The following SRP19 variants were observed in gnomAD, a reference collection of about 807,000 sequenced individuals.
SRP19 encodes signal recognition particle 19 kDa protein.
SRP19 carries 11 observed loss-of-function variants against 22.4 expected under a neutral mutation model. The observed-to-expected ratio is 0.49, with a 90% CI of 0.31 to 0.81. The LOEUF is 0.81. SRP19 is among the 40% of genes least tolerant of loss of function. The probability of loss-of-function intolerance (pLI) is 0.05; values close to 1 mark genes in which losing one functional copy is unlikely to be tolerated. For synonymous variants in SRP19, 61 were observed against 57.6 expected (o/e 1.06, Z -0.27); for missense variants, 168 against 175.9 (o/e 0.96, Z 0.25).
intron 4 of SRP19, chr5:112,882,140 C>G (rs1768097985): frequency 6.5e-6 from 1 of 153,386 alleles, no homozygotes; most frequent in Admixed American, 6.5e-5. Context: ...TTCTAATATC[C>G]TGACCTCTTA....
intron 4 of SRP19, among the ~76,000 whole-genome samples, chr5:112,888,434 T>C (rs754408816): frequency 1.3e-5 from 2 of 152,172 alleles, no homozygotes; most frequent in African/African-American, 4.8e-5. Context: ...TATCTCCAGA[T>C]TATTCTTTCT....
chr5:112,868,300 A>C lies in SRP19; in HGVS notation c.*763A>C. ...GCGGTTTCTGAAAGTAGTGATTTTG[A>C]GCTATCCCAATTCCTGTTCTTCCTG... On this transcript the variant is annotated 3_prime_UTR_variant, in exon 5 of 5. Coordinates refer to ENST00000505459, the MANE Select transcript of SRP19 (RefSeq NM_003135.3). The C allele has an allele frequency of 1.0e-6, 1 of 985,622 alleles. No individual in the cohort carries two copies. Among genetic ancestry groups the C allele is most frequent in the Non-Finnish European group, 1.2e-6 (1 of 830,072 alleles). The allele number at this position is 985,622 out of a possible 1,614,324, so 61.1% of individuals were successfully genotyped here.
In SRP19 at chr5:112,861,404, G is replaced by C. The variant is rs768531224; in HGVS notation, c.28G>C (p.Ala10Pro). Residue 10 changes from alanine to proline, a missense_variant, in exon 1 of 5, where the codon GCC (alanine) becomes CCC (proline). Physicochemically the swap from Ala to Pro is conservative, Grantham distance 27. Coordinates refer to ENST00000505459, the MANE Select transcript of SRP19 (RefSeq NM_003135.3). MACAAARSP[A>P]DQDRFICIYP... Reference sequence around the variant, plus strand: ...GGCTTGCGCTGCCGCGCGGTCCCCGGCCGACCAGGACAGGTGGGTTCTGAG... The same window carrying C: ...GGCTTGCGCTGCCGCGCGGTCCCCGCCCGACCAGGACAGGTGGGTTCTGAG... 1.9e-6 allele frequency: 3 copies of C among 1,614,126 alleles called. No homozygotes were observed. The highest frequency in any genetic ancestry group is 8.5e-7 in the Non-Finnish European group (1 of 1,180,044).
At chr5:112,867,141 C>T (rs1767631783) in intron 4 of SRP19, among the ~76,000 whole-genome samples, 1 of 152,122 alleles carries the variant, frequency 6.6e-6, no homozygotes, top group Admixed American at 6.5e-5. Flanking sequence ...TTACTAGGAC[C>T]AAACCAAAAT....
intron 4 of SRP19, among the ~76,000 whole-genome samples, chr5:112,888,935 T>G (rs1561649154): frequency 6.6e-6 from 1 of 150,796 alleles, no homozygotes; most frequent in South Asian, 2.1e-4. Context: ...ATGGGGGTGG[T>G]TTCCTGCCAT....
At chr5:112,879,317 T>C (rs893500503) in intron 4 of SRP19, among the ~76,000 whole-genome samples, 1 of 40,458 alleles carries the variant, frequency 2.5e-5, no homozygotes, top group Non-Finnish European at 5.4e-5. Context: ...TCCCTTGATA[T>C]ATGTGTTTGG....
chr5:112,883,878 C>T (rs762477816), intron 4 of SRP19, among the ~76,000 whole-genome samples: 2 of 152,132 alleles, frequency 1.3e-5, no homozygotes, highest in Admixed American at 6.6e-5. Flanking sequence ...CTAAAAAGCT[C>T]GTCCTTGTCC....
At chr5:112,874,460 T>A (rs770042704), downstream of SRP19, among the ~76,000 whole-genome samples, 2 of 152,204 alleles carry the variant, frequency 1.3e-5, no homozygotes, top group Non-Finnish European at 2.9e-5. Context: ...GGCACCTGGG[T>A]ACCATGGTAG....
chr5:112,887,190 AG>A (rs1263365202), intron 4 of SRP19: 1 of 1,574,226 alleles, frequency 6.4e-7, no homozygotes, highest in Admixed American at 1.7e-5. Context: ...CACACTGCAC[AG>A]AAAAAGAGCC....
At chr5:112,867,373 T>G in intron 4 of SRP19, 31 bp from the exon 5 acceptor site, 1 of 1,605,706 alleles carries the variant, frequency 6.2e-7, no homozygotes, top group Non-Finnish European at 8.5e-7. Context: ...ATTTCTCAGA[T>G]TATACACTAA....
chr5:112,893,088 TG>T, downstream of SRP19: 1 of 918,838 alleles, frequency 1.1e-6, no homozygotes, highest in South Asian at 1.7e-5. Flanking sequence ...AAACTAGTTT[TG>T]TTCTTAAAAA....
Position 112,889,326 on chromosome 5 carries a change from AAAACC to A in SRP19, c.302-2273_302-2269del, listed in dbSNP as rs1454468789. ...TATGCTTAAGAAACATACCTACAACAAAACCAAATAGGAACACTGAAAATAAAGTT... is the reference window on the plus strand; with the variant it reads ...TATGCTTAAGAAACATACCTACAACAAAATAGGAACACTGAAAATAAAGTT... On this transcript the variant is annotated intron_variant, in intron 4 of 4. Transcript: ENST00000391338. Among the ~76,000 whole-genome samples the A allele has an allele frequency of 1.6e-4, 24 of 151,024 alleles. 1 individual carries two copies. Among genetic ancestry groups the A allele is most frequent in the African/African-American group, 5.2e-4 (21 of 40,718 alleles).
exon 5 of SRP19, chr5:112,892,570 C>G: frequency 6.2e-7 from 1 of 1,614,112 alleles, no homozygotes; most frequent in Non-Finnish European, 8.5e-7. Context: ...CCCAGTGACC[C>G]GGTGGAAAAT....
intron 4 of SRP19, among the ~76,000 whole-genome samples, chr5:112,883,373 C>G (rs974736272): frequency 1.3e-5 from 2 of 152,170 alleles, no homozygotes; most frequent in Non-Finnish European, 2.9e-5. Context: ...CTTACTTGAC[C>G]TGTTGACAGC....
intron 4 of SRP19, among the ~76,000 whole-genome samples, chr5:112,891,256 A>G (rs1768436330): frequency 6.6e-6 from 1 of 151,950 alleles, no homozygotes; most frequent in South Asian, 2.1e-4. Context: ...TATTTTTAGT[A>G]GAGATGAGTT....
rs1767381346 is a variant in SRP19, at chr5:112,861,291, T to C, written c.-86T>C. ...CAGGACTTCCGGCGGAAAAGCGGGC[T>C]GTCTCGGAAACTCAGAGCCGGGTTC... On this transcript the variant is annotated 5_prime_UTR_variant, in exon 1 of 5. Transcript: ENST00000505459. 7 of 1,501,494 alleles carry C rather than the reference T, an allele frequency of 4.7e-6. No homozygotes were observed. The highest frequency in any genetic ancestry group is 1.1e-5 in the South Asian group (1 of 88,918). The allele number at this position is 1,501,494 out of a possible 1,614,324, so 93.0% of individuals were successfully genotyped here. A position where few individuals can be genotyped will look rare whatever the true frequency, so the allele number is the denominator to read the frequency against.
At chr5:112,892,731 G>A in exon 5 of SRP19, 1 of 1,614,034 alleles carries the variant, frequency 6.2e-7, no homozygotes, top group Non-Finnish European at 8.5e-7. Flanking sequence ...CCTTTGGCAA[G>A]AACTCCGAGA....
chr5:112,891,996 G>T (rs1036674405), exon 5 of SRP19: 1 of 1,267,936 alleles, frequency 7.9e-7, no homozygotes, highest in African/African-American at 1.5e-5. Flanking sequence ...GGAAAGAACA[G>T]CAGAGGAAAG....
exon 5 of SRP19, chr5:112,892,017 G>A (rs772720429): frequency 2.3e-6 from 3 of 1,317,412 alleles, no homozygotes; most frequent in Admixed American, 1.7e-5. Context: ...AGAGAGAAGA[G>A]GAGGAGCAGA....
Sources: allele counts gnomAD v4.1 joint callset (sites outside exome capture counted in the v4.1 genomes callset), GRCh38; gene constraint gnomAD v4.1.1; transcripts MANE v1.5; gene names NCBI Gene and HGNC (gene_info 2026-07-23, HGNC 2026-07-21).